The following STK32B variants were observed in gnomAD, a reference collection of about 807,000 sequenced individuals.
STK32B encodes the protein serine/threonine-protein kinase 32B.
STK32B carries 43 observed loss-of-function variants against 52.6 expected under a neutral mutation model. The observed-to-expected ratio is 0.82, with a 90% confidence interval of 0.64 to 1.05. The LOEUF (loss-of-function observed/expected upper bound fraction) is 1.05, where lower values mean the gene tolerates loss of function less well. STK32B is among the 50% of genes least tolerant of loss of function. STK32B has a pLI of 0.00. For missense variants in STK32B, 621 were observed against 534.6 expected (o/e 1.16, Z -1.59); for synonymous variants, 238 against 204.3 (o/e 1.17, Z -1.41).
chr4:5,151,449 C>T (rs1208833375), intron 2 of STK32B, among the ~76,000 whole-genome samples: 1 of 152,188 alleles, frequency 6.6e-6, no homozygotes, highest in Non-Finnish European at 1.5e-5. Context: ...TCCAGAAAGA[C>T]ATTTCATTGT....
At chr4:5,257,887 G>C (rs1032116458) in intron 3 of STK32B, among the ~76,000 whole-genome samples, 3 of 152,216 alleles carry the variant, frequency 2.0e-5, no homozygotes, top group Non-Finnish European at 4.4e-5. Flanking sequence ...AAGTTTCAGT[G>C]AGCCAAGATC....
chr4:5,250,310 C>CTTTTTT (rs143911318), intron 3 of STK32B, among the ~76,000 whole-genome samples: 11 of 119,258 alleles, frequency 9.2e-5, no homozygotes, highest in African/African-American at 2.8e-4. Flanking sequence ...GTTTTAAGTT[C>CTTTTTT]TTTTTTTTTT....
intron 6 of STK32B, among the ~76,000 whole-genome samples, chr4:5,428,193 G>C (rs188717639): frequency 2.0e-5 from 3 of 152,110 alleles, no homozygotes; most frequent in Non-Finnish European, 4.4e-5. Context: ...GGATCACAAG[G>C]TCAGGAGATC....
chr4:5,172,738 A>C (rs1321174404), intron 3 of STK32B, among the ~76,000 whole-genome samples: 2 of 152,116 alleles, frequency 1.3e-5, no homozygotes, highest in Non-Finnish European at 2.9e-5. Flanking sequence ...TTTTTGCATC[A>C]AGGTTCATCA....
At chr4:5,190,434 GT>G (rs1721092244) in intron 3 of STK32B, among the ~76,000 whole-genome samples, 3 of 152,152 alleles carry the variant, frequency 2.0e-5, no homozygotes, top group Non-Finnish European at 4.4e-5. Context: ...CTGTAGAGGA[GT>G]GGGCCACGTG....
intron 4 of STK32B, among the ~76,000 whole-genome samples, chr4:5,371,583 C>A (rs1447740579): frequency 1.3e-5 from 2 of 152,142 alleles, no homozygotes; most frequent in Non-Finnish European, 2.9e-5. Flanking sequence ...CCAGGCCCAG[C>A]CGGCTGAAGG....
chr4:5,230,146 A>G (rs1394444030), intron 3 of STK32B, among the ~76,000 whole-genome samples: 1 of 143,760 alleles, frequency 7.0e-6, no homozygotes, highest in Non-Finnish European at 1.5e-5. Context: ...AGAAAACTCT[A>G]GCAAACAGAA....
At position 5,070,901 on chromosome 4, in the gene STK32B, A is replaced by G. The variant is rs79382717; in HGVS notation, c.52+18986A>G. Among the ~76,000 whole-genome samples the G allele has an allele frequency of 1.3e-3, 198 of 152,278 alleles. 1 individual carries two copies. In the East Asian group the frequency reaches 0.022, roughly 17 times the overall value. On this transcript the variant is annotated intron_variant, in intron 1 of 11. Transcript: ENST00000282908. ...AGTCCACAGAAGGCCGTCCCACAAG[A>G]AGGCGTTCCTAGGCATGAAAATGGA... is the stretch of plus-strand genomic sequence containing the variant.
intron 3 of STK32B, among the ~76,000 whole-genome samples, chr4:5,299,150 A>G (rs1184665724): frequency 6.6e-6 from 1 of 151,450 alleles, no homozygotes; most frequent in Non-Finnish European, 1.5e-5. Flanking sequence ...AGTTCCAGTG[A>G]GATGAACTGG....
intron 3 of STK32B, among the ~76,000 whole-genome samples, chr4:5,328,200 T>G (rs1732001508): frequency 1.3e-5 from 2 of 152,236 alleles, no homozygotes; most frequent in South Asian, 4.1e-4. Flanking sequence ...TAAAATTTCC[T>G]CCCTATCAGC....
chr4:5,446,382 A>G (rs1715421098), intron 6 of STK32B, among the ~76,000 whole-genome samples: 1 of 152,120 alleles, frequency 6.6e-6, no homozygotes, highest in South Asian at 2.1e-4. Flanking sequence ...CCTGGCCAAC[A>G]AGGTGAAACC....
At chr4:5,274,536 T>C (rs1389338780) in intron 3 of STK32B, among the ~76,000 whole-genome samples, 3 of 151,986 alleles carry the variant, frequency 2.0e-5, no homozygotes, top group Non-Finnish European at 4.4e-5. Flanking sequence ...AGCTCACACC[T>C]GACCAATCAG....
intron 2 of STK32B, among the ~76,000 whole-genome samples, chr4:5,166,325 C>T (rs1255118349): frequency 3.3e-5 from 5 of 151,744 alleles, no homozygotes; most frequent in Non-Finnish European, 5.9e-5. Context: ...CTAGGCCTCA[C>T]TTTCCTCTCT....
intron 3 of STK32B, among the ~76,000 whole-genome samples, chr4:5,249,498 CCTT>C (rs1178626695): frequency 7.9e-4 from 107 of 135,826 alleles, no homozygotes; most frequent in East Asian, 1.2e-3. Context: ...TTCCTTCCTT[CCTT>C]CCTCCCTCCC....
At chr4:5,180,075 C>G (rs1439029449) in intron 3 of STK32B, among the ~76,000 whole-genome samples, 2 of 152,160 alleles carry the variant, frequency 1.3e-5, no homozygotes, top group Non-Finnish European at 2.9e-5. Flanking sequence ...AGAGCTGTTT[C>G]CAGAAGAAAA....
At chr4:5,055,781 G>T (rs546640287) in intron 1 of STK32B, among the ~76,000 whole-genome samples, 2 of 151,770 alleles carry the variant, frequency 1.3e-5, no homozygotes, top group African/African-American at 4.8e-5. Flanking sequence ...CACTTCCTTC[G>T]GGTCTCCAGG....
Position 5,450,921 on chromosome 4 carries a change from G to A in STK32B, c.666+4145G>A, listed in dbSNP as rs531111296. Reference sequence around the variant, plus strand: ...ACACCTGCTTGCTGACCATTAGCAAGTAAGGCCAATGGGCTTCATGAGCAG... The same window carrying A: ...ACACCTGCTTGCTGACCATTAGCAAATAAGGCCAATGGGCTTCATGAGCAG... On this transcript the variant is annotated intron_variant, in intron 7 of 11. Transcript: ENST00000282908. Among the ~76,000 whole-genome samples the A allele has an allele frequency of 3.3e-5, 5 of 152,250 alleles. No homozygotes were observed. In the East Asian group the frequency reaches 9.7e-4, roughly 29 times the overall value.
intron 2 of STK32B, among the ~76,000 whole-genome samples, chr4:5,161,905 A>T (rs779346253): frequency 6.6e-6 from 1 of 151,984 alleles, no homozygotes; most frequent in East Asian, 1.9e-4. Context: ...GCATCTTTTA[A>T]TGTCACACTG....
rs184376035 is a variant in STK32B, at chr4:5,485,548, C to T, written c.1107-13397C>T. ...TGGGCTCAAACTTCCTCCTTTAGCTCGGAGTTGTTTGATCTTCTGAAGCCT... is the reference window on the plus strand; with the variant it reads ...TGGGCTCAAACTTCCTCCTTTAGCTTGGAGTTGTTTGATCTTCTGAAGCCT... On this transcript the variant is annotated intron_variant, in intron 11 of 11. Transcript: ENST00000282908. 1.0e-2 allele frequency among the ~76,000 whole-genome samples: 1,516 copies of T among 152,244 alleles called. 22 individuals are homozygous for T. The highest frequency in any genetic ancestry group is 0.034 in the African/African-American group (1,425 of 41,544).
Sources: allele counts gnomAD v4.1 joint callset (sites outside exome capture counted in the v4.1 genomes callset), GRCh38; gene constraint gnomAD v4.1.1; transcripts MANE v1.5; gene names NCBI Gene and HGNC (gene_info 2026-07-23, HGNC 2026-07-21).